The following NRXN1 variants were observed in gnomAD, a reference collection of about 807,000 sequenced individuals.
The protein encoded by NRXN1 is neurexin-1.
NRXN1 carries 39 observed loss-of-function variants against 150.9 expected under a neutral mutation model. The observed-to-expected ratio is 0.26, with a 90% confidence interval of 0.20 to 0.34. NRXN1 has a LOEUF of 0.34. NRXN1 is among the 10% of genes least tolerant of loss of function. The pLI, the probability that NRXN1 is intolerant of heterozygous loss-of-function variation, is 1.00. For missense variants in NRXN1, 1,815 were observed against 1,949.9 expected, an observed-to-expected ratio of 0.93 and a Z score of 1.30; for synonymous variants, 924 against 757.0, an observed-to-expected ratio of 1.22 and a Z score of -3.62.
intron 2 of NRXN1, chr2:50,979,261 C>T: frequency 1.9e-6 from 1 of 517,978 alleles, no homozygotes; most frequent in South Asian, 1.4e-5. Flanking sequence ...TAAACAGATG[C>T]AATATTTACA....
At chr2:50,884,031 T>C (rs543126457) in intron 5 of NRXN1, among the ~76,000 whole-genome samples, 2 of 151,952 alleles carry the variant, frequency 1.3e-5, no homozygotes, top group African/African-American at 4.8e-5. Flanking sequence ...CATTTATCTG[T>C]ATTCTTAGTA....
At chr2:50,425,911 A>T (rs1177162211) in intron 17 of NRXN1, among the ~76,000 whole-genome samples, 1 of 152,156 alleles carries the variant, frequency 6.6e-6, no homozygotes, top group Non-Finnish European at 1.5e-5. Context: ...AACAGAAAAT[A>T]CAGGCTACTA....
At chr2:50,332,461 C>G (rs1293601399) in intron 17 of NRXN1, among the ~76,000 whole-genome samples, 1 of 152,152 alleles carries the variant, frequency 6.6e-6, no homozygotes, top group East Asian at 1.9e-4. Context: ...TTAACATCAC[C>G]TCCTAAGCTC....
intron 2 of NRXN1, among the ~76,000 whole-genome samples, chr2:51,015,892 C>G (rs926013665): frequency 2.0e-5 from 3 of 151,686 alleles, no homozygotes; most frequent in African/African-American, 7.3e-5. Context: ...CATATGGAAC[C>G]AAAACAGAGC....
intron 15 of NRXN1, 68 bp from the exon 16 acceptor site, chr2:50,472,539 G>C: frequency 1.6e-6 from 2 of 1,244,556 alleles, no homozygotes; most frequent in Non-Finnish European, 1.1e-6. Context: ...CAGTAGGATG[G>C]AGAAAAAACA....
chr2:50,651,009 T>C (rs74576828), intron 5 of NRXN1, among the ~76,000 whole-genome samples: 1,565 of 152,170 alleles, frequency 0.01, 32 homozygotes, highest in African/African-American at 0.035. Context: ...AGTGAATTGA[T>C]GGATTATAGT....
At chr2:50,255,618 G>A (rs571255875) in intron 17 of NRXN1, among the ~76,000 whole-genome samples, 11 of 152,220 alleles carry the variant, frequency 7.2e-5, no homozygotes, top group African/African-American at 2.4e-4. Flanking sequence ...AAATGGTGGA[G>A]AAAAACCTAT....
rs72832074 is a variant in NRXN1 at position 50,160,244 on chromosome 2, A to T, written c.3547-68750T>A. 5.9e-3 allele frequency among the ~76,000 whole-genome samples: 900 copies of T among 152,080 alleles called. 6 individuals carry two copies. The highest frequency in any genetic ancestry group is 9.6e-3 in the Non-Finnish European group (649 of 67,958). On this transcript the variant is annotated intron_variant, in intron 18 of 22. Coordinates refer to ENST00000401669, the MANE Select transcript of NRXN1 (RefSeq NM_001330078.2). The stretch of plus-strand genomic sequence containing the variant: ...CTAGTATTGATGAAATGACAACTTA[A>T]AAAAAGGCTTTCTGGGCCAGACGCA...
intron 2 of NRXN1, among the ~76,000 whole-genome samples, chr2:50,974,021 T>G (rs1695433882): frequency 6.6e-6 from 1 of 152,036 alleles, no homozygotes; most frequent in African/African-American, 2.4e-5. Context: ...CTAAAAATCA[T>G]GAAATTATTT....
intron 17 of NRXN1, among the ~76,000 whole-genome samples, chr2:50,360,275 T>G (rs2079095135): frequency 6.6e-6 from 1 of 152,168 alleles, no homozygotes; most frequent in Non-Finnish European, 1.5e-5. Flanking sequence ...TAACCTTAAA[T>G]GTAAATGGGC....
intron 5 of NRXN1, among the ~76,000 whole-genome samples, chr2:50,644,417 A>T (rs1207807007): frequency 6.6e-6 from 1 of 151,876 alleles, no homozygotes; most frequent in Non-Finnish European, 1.5e-5. Flanking sequence ...ACAATAAATG[A>T]TTCCTACAAA....
intron 5 of NRXN1, among the ~76,000 whole-genome samples, chr2:50,641,694 T>A (rs1684102753): frequency 6.6e-6 from 1 of 152,126 alleles, no homozygotes; most frequent in South Asian, 2.1e-4. Flanking sequence ...TCTTGGCGAC[T>A]GGGAAGAATA....
At chr2:50,115,936 T>C (rs1400473754) in intron 18 of NRXN1, among the ~76,000 whole-genome samples, 2 of 152,230 alleles carry the variant, frequency 1.3e-5, no homozygotes, top group East Asian at 1.9e-4. Context: ...GGATCAGTCT[T>C]GGGGCTAAGC....
rs1675223244 is a variant in NRXN1, at chr2:50,596,476, A to G, written c.1320+23546T>C. Among the ~76,000 whole-genome samples the G allele has an allele frequency of 2.0e-5, 3 of 152,198 alleles. No individual in the cohort carries two copies. In the South Asian group the frequency reaches 6.2e-4, roughly 32 times the overall value. ...CCTACTCCCCTTTCACAGATAAATC[A>G]CATTAAAAGAAATTATGCAATTTGC... On this transcript the variant is annotated intron_variant, in intron 8 of 22. Coordinates refer to ENST00000401669, the MANE Select transcript of NRXN1 (RefSeq NM_001330078.2).
intron 16 of NRXN1, among the ~76,000 whole-genome samples, chr2:50,470,276 G>A (rs766090376): frequency 2.0e-5 from 3 of 151,548 alleles, no homozygotes; most frequent in Non-Finnish European, 4.4e-5. Context: ...TCCACTAATG[G>A]GAATTGATCC....
chr2:50,451,206 C>T (rs1020423652), intron 17 of NRXN1, among the ~76,000 whole-genome samples: 6 of 152,160 alleles, frequency 3.9e-5, no homozygotes, highest in Non-Finnish European at 1.5e-5. Flanking sequence ...CAGGCTCAAG[C>T]GATCTGCCCA....
chr2:50,829,034 C>A (rs1670981757), intron 5 of NRXN1, among the ~76,000 whole-genome samples: 1 of 152,178 alleles, frequency 6.6e-6, no homozygotes, highest in Admixed American at 6.5e-5. Flanking sequence ...GGAGACCAGC[C>A]CAGCCAACAC....
intron 13 of NRXN1, among the ~76,000 whole-genome samples, chr2:50,503,568 A>T (rs2092065235): frequency 2.8e-5 from 1 of 36,088 alleles, no homozygotes; most frequent in East Asian, 3.8e-4. Context: ...AGAAAGAAAA[A>T]TTAAAAAAAA....
chr2:50,813,939 T>C (rs1668573088), intron 5 of NRXN1, among the ~76,000 whole-genome samples: 1 of 125,198 alleles, frequency 8.0e-6, no homozygotes, highest in African/African-American at 2.8e-5. Flanking sequence ...GAAGCTTAGT[T>C]GTTTCTACCA....
Sources: allele counts gnomAD v4.1 joint callset (sites outside exome capture counted in the v4.1 genomes callset), GRCh38; gene constraint gnomAD v4.1.1; transcripts MANE v1.5; gene names NCBI Gene and HGNC (gene_info 2026-07-23, HGNC 2026-07-21).